The following SFSWAP variants were observed in gnomAD, a reference collection of about 807,000 sequenced individuals.
The protein encoded by SFSWAP is splicing factor, suppressor of white-apricot homolog.
SFSWAP carries 17 observed loss-of-function variants against 100.7 expected under a neutral mutation model. The ratio of observed to expected loss-of-function variants is 0.17; its 90% CI spans 0.12 to 0.25. The LOEUF is 0.25. Among genes scored for constraint, SFSWAP ranks in the 10% least tolerant of loss-of-function variants. The pLI, the probability that SFSWAP is intolerant of heterozygous loss-of-function variation, is 1.00. For synonymous variants in SFSWAP, 504 were observed against 510.1 expected (o/e 0.99, Z 0.16); for missense variants, 1,005 against 1,262.6 (o/e 0.80, Z 3.09).
intron 7 of SFSWAP, among the ~76,000 whole-genome samples, chr12:131,735,063 C>T (rs1323321988): frequency 6.6e-6 from 1 of 152,226 alleles, no homozygotes; most frequent in Non-Finnish European, 1.5e-5. Flanking sequence ...AATGTGGCCA[C>T]AGGCACTCGG....
chr12:131,753,437 C>T lies in SFSWAP; in HGVS notation c.1322+74C>T, dbSNP rs529628510. The T allele has an allele frequency of 5.8e-5, 87 of 1,508,780 alleles. No individual in the cohort carries two copies. The African/African-American group carries it at 1.0e-3, about 18-fold the overall frequency. 93.5% of individuals were successfully genotyped at this position (1,508,780 alleles called of 1,614,324 possible). A position where few individuals can be genotyped will look rare whatever the true frequency, so the allele number is the denominator to read the frequency against. On this transcript the variant is annotated intron_variant, in intron 8 of 17. Coordinates refer to ENST00000261674, the MANE Select transcript of SFSWAP (RefSeq NM_004592.4). The stretch of plus-strand genomic sequence containing the variant: ...CAGTCACTGGGGCCGTCTGTGTCTC[C>T]ATGGGGGGCTTGTAATCTAGATCAT...
intron 7 of SFSWAP, among the ~76,000 whole-genome samples, chr12:131,729,540 T>G (rs1566011202): frequency 6.6e-6 from 1 of 152,200 alleles, no homozygotes; most frequent in Non-Finnish European, 1.5e-5. Flanking sequence ...CAGCATAAGT[T>G]AACATATGCA....
intron 11 of SFSWAP, among the ~76,000 whole-genome samples, chr12:131,762,995 T>C (rs1056998077): frequency 7.2e-5 from 11 of 152,220 alleles, no homozygotes; most frequent in African/African-American, 2.7e-4. Context: ...TCATCTGGCT[T>C]CAGCTGCCGG....
At chr12:131,793,606 A>G (rs1177730916) in intron 15 of SFSWAP, among the ~76,000 whole-genome samples, 4 of 152,146 alleles carry the variant, frequency 2.6e-5, no homozygotes, top group Non-Finnish European at 5.9e-5. Context: ...GGAAAAAACC[A>G]ATTAGACTTC....
chr12:131,738,044 T>C (rs1880204439), intron 7 of SFSWAP, among the ~76,000 whole-genome samples: 2 of 152,180 alleles, frequency 1.3e-5, no homozygotes, highest in Non-Finnish European at 2.9e-5. Flanking sequence ...CCCACTGTGA[T>C]AGCCTGTGGG....
At chr12:131,731,966 G>A (rs1488003566) in intron 7 of SFSWAP, among the ~76,000 whole-genome samples, 1 of 128,758 alleles carries the variant, frequency 7.8e-6, no homozygotes, top group Non-Finnish European at 1.5e-5. Flanking sequence ...CTGGAGTGCA[G>A]TGGTGCAATC....
rs1257296225 is a variant in SFSWAP, at chr12:131,733,147, T to C, written c.1081+4719T>C. ...ACCAGAGACAAGACAAAGGACATTTTGGCCATGGACTTGAAACGTCAGCTG... is the reference window on the plus strand; with the variant it reads ...ACCAGAGACAAGACAAAGGACATTTCGGCCATGGACTTGAAACGTCAGCTG... On this transcript the variant is annotated intron_variant, in intron 7 of 17. Coordinates refer to ENST00000261674, the MANE Select transcript of SFSWAP (RefSeq NM_004592.4). This position sits in a 1 kb window ranked among gnomAD's most constrained non-coding sequence, Gnocchi z 5.1. 1.3e-5 allele frequency among the ~76,000 whole-genome samples: 2 copies of C among 152,182 alleles called. No individual in the cohort carries two copies. The highest frequency in any genetic ancestry group is 2.9e-5 in the Non-Finnish European group (2 of 68,040).
chr12:131,792,782 A>T (rs988738598), intron 15 of SFSWAP, among the ~76,000 whole-genome samples: 4 of 152,260 alleles, frequency 2.6e-5, no homozygotes, highest in Non-Finnish European at 5.9e-5. Flanking sequence ...GTTCTCCACA[A>T]GTTGACGCAG....
intron 7 of SFSWAP, among the ~76,000 whole-genome samples, 175 bp downstream of exon 7, chr12:131,728,603 C>T (rs1879213208): frequency 6.6e-6 from 1 of 152,172 alleles, no homozygotes; most frequent in Admixed American, 6.5e-5. Context: ...CTTTGCTTGG[C>T]CCAGTGTTGG....
rs772847783 is a variant in SFSWAP at position 131,753,181 on chromosome 12, G to A, written c.1140G>A (p.Leu380=). The change falls in exon 8 of 18, where the codon CTG becomes CTA. Residue 380 remains leucine, a synonymous_variant. Transcript: ENST00000261674. The part of the protein sequence containing the change: ...YYMLPDGTYC[L]APPPPGIDVT... ...TGCTACCGGACGGCACTTACTGCCT[G>A]GCGCCGCCCCCTCCCGGAATCGACG... 37 of 1,614,178 alleles carry A rather than the reference G, an allele frequency of 2.3e-5. No individual in the cohort carries two copies. Among genetic ancestry groups the A allele is most frequent in the Non-Finnish European group, 3.1e-5 (37 of 1,180,018 alleles).
At position 131,734,170 on chromosome 12, in the gene SFSWAP, G is replaced by A. The variant is rs917978843; in HGVS notation, c.1081+5742G>A. 4.6e-5 allele frequency among the ~76,000 whole-genome samples: 7 copies of A among 152,246 alleles called. No homozygotes were observed. The highest frequency in any genetic ancestry group is 1.0e-4 in the Non-Finnish European group (7 of 68,032). The stretch of plus-strand genomic sequence containing the variant: ...CCAGGTGGCCCCTGGCACAGAGAGC[G>A]TGTTCATCGCTGGCTCCTGCCGCCC... On this transcript the variant is annotated intron_variant, in intron 7 of 17. Coordinates refer to ENST00000261674, the MANE Select transcript of SFSWAP (RefSeq NM_004592.4). This position sits in a 1 kb window ranked among gnomAD's most constrained non-coding sequence, Gnocchi z 4.9.
At chr12:131,786,946 G>A (rs918218913) in intron 15 of SFSWAP, among the ~76,000 whole-genome samples, 2 of 152,126 alleles carry the variant, frequency 1.3e-5, no homozygotes, top group African/African-American at 2.4e-5. Flanking sequence ...GCAAGCTTCC[G>A]GTCCTAAAGC....
intron 7 of SFSWAP, among the ~76,000 whole-genome samples, chr12:131,752,660 G>A (rs1359627211): frequency 2.0e-5 from 3 of 152,334 alleles, no homozygotes; most frequent in East Asian, 3.9e-4. Flanking sequence ...TGAATGGAGG[G>A]AGCAGCGTGC....
chr12:131,719,797 T>C (rs1878298365), intron 4 of SFSWAP, among the ~76,000 whole-genome samples: 1 of 152,168 alleles, frequency 6.6e-6, no homozygotes, highest in African/African-American at 2.4e-5. Context: ...TGTAGTTGAA[T>C]CCCCAGATTT....
chr12:131,778,446 G>A lies in SFSWAP; in HGVS notation c.2408+116G>A. The A allele has an allele frequency of 1.1e-5, 16 of 1,464,084 alleles. No individual in the cohort carries two copies. Among genetic ancestry groups the A allele is most frequent in the South Asian group, 7.0e-5 (5 of 71,310 alleles). 90.7% of individuals were successfully genotyped at this position (1,464,084 alleles called of 1,614,324 possible). On this transcript the variant is annotated intron_variant, in intron 14 of 17. Transcript: ENST00000261674. This position sits in a 1 kb window ranked among gnomAD's most constrained non-coding sequence, Gnocchi z 4.2. ...TCAGTGCCGCTTTCATTAAGCAGAC[G>A]CGTGTATGCATGTGCATGTGTGCCC... is the stretch of plus-strand genomic sequence containing the variant.
intron 3 of SFSWAP, among the ~76,000 whole-genome samples, chr12:131,719,001 T>C (rs1878195619): frequency 6.6e-6 from 1 of 152,170 alleles, no homozygotes; most frequent in Admixed American, 6.5e-5. Flanking sequence ...AGGTTTGAAT[T>C]GCGTAGGTCC....
chr12:131,730,709 C>G lies in SFSWAP; in HGVS notation c.1081+2281C>G, dbSNP rs985835501. Among the ~76,000 whole-genome samples, 2 of 152,154 alleles carry G rather than the reference C, an allele frequency of 1.3e-5. No homozygotes were observed. Among genetic ancestry groups the G allele is most frequent in the South Asian group, 4.1e-4 (2 of 4,828 alleles). ...GACCACTGATAAGCCGTGACAGCCT[C>G]TGCAGGAACCCTAAGCTTACTCTGT... On this transcript the variant is annotated intron_variant, in intron 7 of 17. Transcript: ENST00000261674. This position sits in a 1 kb window ranked among gnomAD's most constrained non-coding sequence, Gnocchi z 4.0.
At chr12:131,768,374 C>T (rs1883298121) in intron 13 of SFSWAP, among the ~76,000 whole-genome samples, 1 of 152,242 alleles carries the variant, frequency 6.6e-6, no homozygotes, top group East Asian at 1.9e-4. Flanking sequence ...CTTGAAGTCA[C>T]TTCGCTTATT....
chr12:131,769,292 A>T (rs1294223375), intron 13 of SFSWAP, among the ~76,000 whole-genome samples: 2 of 152,224 alleles, frequency 1.3e-5, no homozygotes, highest in Non-Finnish European at 2.9e-5. Context: ...GAAAATATGC[A>T]TGTAGCAAGG....
Sources: allele counts gnomAD v4.1 joint callset (sites outside exome capture counted in the v4.1 genomes callset), GRCh38; gene constraint gnomAD v4.1.1; non-coding constraint Gnocchi (gnomAD v3.1); transcripts MANE v1.5; gene names NCBI Gene and HGNC (gene_info 2026-07-23, HGNC 2026-07-21).